ROBO2: variants seen among roughly 807,000 people sequenced by gnomAD.
The protein encoded by ROBO2 is roundabout guidance receptor 2.
Under a neutral mutation model 160.8 loss-of-function variants are expected in ROBO2, and 53 were observed. The ratio of observed to expected loss-of-function variants is 0.33; its 90% confidence interval spans 0.26 to 0.41. The LOEUF is 0.41. Among genes scored for constraint, ROBO2 ranks in the 10% least tolerant of loss-of-function variants. The pLI, the probability that ROBO2 is intolerant of heterozygous loss-of-function variation, is 1.00. For missense variants in ROBO2, 1,577 were observed against 1,722.4 expected (o/e 0.92, Z 1.49); for synonymous variants, 664 against 611.7 (o/e 1.09, Z -1.26).
chr3:76,243,039 T>TA (rs1171143401), intron 2 of ROBO2, among the ~76,000 whole-genome samples: 1 of 152,192 alleles, frequency 6.6e-6, no homozygotes, highest in Non-Finnish European at 1.5e-5. Flanking sequence ...TTTAAATCTG[T>TA]AAAAACGGCT....
intron 6 of ROBO2, among the ~76,000 whole-genome samples, chr3:77,537,101 G>GGA (rs1553650199): frequency 7.1e-6 from 1 of 141,732 alleles, no homozygotes; most frequent in Admixed American, 7.0e-5. Flanking sequence ...ATATTTTGTG[G>GGA]GGGGGGGGTG....
At chr3:76,285,873 C>T (rs779227840) in intron 2 of ROBO2, among the ~76,000 whole-genome samples, 6 of 151,974 alleles carry the variant, frequency 3.9e-5, no homozygotes, top group Non-Finnish European at 7.4e-5. Flanking sequence ...TCATGTTTTC[C>T]GTGTTCTTGT....
At chr3:76,993,256 A>T (rs1252129381) in intron 2 of ROBO2, among the ~76,000 whole-genome samples, 6 of 152,218 alleles carry the variant, frequency 3.9e-5, no homozygotes, top group Non-Finnish European at 7.3e-5. Flanking sequence ...AGTTACTAGT[A>T]ACATTTGAGT....
At chr3:76,762,451 T>TG (rs1199337672) in intron 2 of ROBO2, among the ~76,000 whole-genome samples, 8 of 151,460 alleles carry the variant, frequency 5.3e-5, no homozygotes, top group Admixed American at 3.3e-4. Flanking sequence ...AGCTGTTTTT[T>TG]TTTTTTTTTT....
At chr3:77,428,204 C>T (rs1416177766) in intron 2 of ROBO2, among the ~76,000 whole-genome samples, 1 of 151,968 alleles carries the variant, frequency 6.6e-6, no homozygotes, top group East Asian at 1.9e-4. Flanking sequence ...TATCTTTTCC[C>T]CTTAAAACTA....
chr3:77,567,449 A>G (rs1048272067), intron 12 of ROBO2, among the ~76,000 whole-genome samples: 1 of 152,024 alleles, frequency 6.6e-6, no homozygotes, highest in African/African-American at 2.4e-5. Flanking sequence ...ACAGCCTATA[A>G]TTTATCCTTT....
intron 2 of ROBO2, among the ~76,000 whole-genome samples, chr3:77,121,882 A>G (rs996224809): frequency 9.2e-5 from 14 of 152,204 alleles, no homozygotes; most frequent in African/African-American, 3.4e-4. Flanking sequence ...TACACATTTC[A>G]TCTTCACTGC....
chr3:76,009,188 C>T (rs1490027648), intron 2 of ROBO2, among the ~76,000 whole-genome samples: 1 of 152,126 alleles, frequency 6.6e-6, no homozygotes, highest in Non-Finnish European at 1.5e-5. Flanking sequence ...CTGCAAGCTC[C>T]GCCTCCCGGG....
intron 2 of ROBO2, among the ~76,000 whole-genome samples, chr3:76,320,976 T>C (rs1364347306): frequency 6.6e-6 from 1 of 152,242 alleles, no homozygotes; most frequent in African/African-American, 2.4e-5. Context: ...CATGGACTTA[T>C]GTAGCCTAGT....
At chr3:77,214,276 A>C (rs1284314174) in intron 2 of ROBO2, among the ~76,000 whole-genome samples, 1 of 152,130 alleles carries the variant, frequency 6.6e-6, no homozygotes, top group East Asian at 1.9e-4. Flanking sequence ...TATTGGGTGC[A>C]TATATATTTA....
intron 24 of ROBO2, among the ~76,000 whole-genome samples, chr3:77,635,435 C>T (rs572276468): frequency 6.6e-5 from 10 of 152,172 alleles, no homozygotes; most frequent in Non-Finnish European, 1.2e-4. Context: ...GAAAAAAAGA[C>T]TTTTGAAATG....
intron 2 of ROBO2, among the ~76,000 whole-genome samples, chr3:76,361,500 A>G (rs2075518072): frequency 6.6e-6 from 1 of 152,136 alleles, no homozygotes; most frequent in Admixed American, 6.6e-5. Flanking sequence ...TAAGAGTAAA[A>G]CAAAAGAAAG....
At chr3:76,979,091 C>T (rs1172380744) in intron 2 of ROBO2, among the ~76,000 whole-genome samples, 1 of 152,018 alleles carries the variant, frequency 6.6e-6, no homozygotes, top group Non-Finnish European at 1.5e-5. Flanking sequence ...TACAGGTGTG[C>T]AGCACCACAC....
intron 2 of ROBO2, among the ~76,000 whole-genome samples, chr3:76,466,085 A>G (rs780872149): frequency 6.6e-6 from 1 of 151,730 alleles, no homozygotes; most frequent in African/African-American, 2.4e-5. Context: ...TAAAATGTAC[A>G]TAATTTTTTA....
chr3:76,086,218 G>A (rs1168882417), intron 2 of ROBO2, among the ~76,000 whole-genome samples: 2 of 152,088 alleles, frequency 1.3e-5, no homozygotes, highest in African/African-American at 2.4e-5. Flanking sequence ...CTTTCTTCAT[G>A]TGGTGGCAGC....
chr3:77,063,216 G>T (rs553942594), intron 1 of ROBO2, among the ~76,000 whole-genome samples: 1 of 152,200 alleles, frequency 6.6e-6, no homozygotes, highest in African/African-American at 2.4e-5. Context: ...TTCGCCAAGG[G>T]CTATGCCCAT....
At chr3:76,945,383 AG>A (rs1271096963) in intron 2 of ROBO2, among the ~76,000 whole-genome samples, 1 of 152,230 alleles carries the variant, frequency 6.6e-6, no homozygotes, top group Middle Eastern at 3.2e-3. Flanking sequence ...GTTGGAGCCT[AG>A]GGCATTCCAC....
intron 2 of ROBO2, among the ~76,000 whole-genome samples, chr3:76,230,346 G>C (rs923492027): frequency 6.6e-6 from 1 of 151,624 alleles, no homozygotes; most frequent in African/African-American, 2.4e-5. Flanking sequence ...CCTTTACATA[G>C]CACGTCCTTC....
At chr3:77,562,121 C>A (rs1328579464) in intron 9 of ROBO2, among the ~76,000 whole-genome samples, 2 of 151,980 alleles carry the variant, frequency 1.3e-5, no homozygotes, top group East Asian at 1.9e-4. Context: ...AAAAAAAGTT[C>A]TTTTTCTTCT....
Sources: allele counts gnomAD v4.1 joint callset (sites outside exome capture counted in the v4.1 genomes callset), GRCh38; gene constraint gnomAD v4.1.1; transcripts MANE v1.5; gene names NCBI Gene and HGNC (gene_info 2026-07-23, HGNC 2026-07-21).